BAZ2A: variants seen among roughly 807,000 people sequenced by gnomAD.
The protein encoded by BAZ2A is bromodomain adjacent to zinc finger domain protein 2A.
Under a neutral mutation model 199.9 loss-of-function variants are expected in BAZ2A, and 34 were observed. The ratio of observed to expected loss-of-function variants is 0.17; its 90% CI spans 0.13 to 0.23. The LOEUF (loss-of-function observed/expected upper bound fraction) is 0.23, where lower values mean the gene tolerates loss of function less well. Ranked by LOEUF, BAZ2A falls within the 10% of genes least tolerant of loss-of-function variation. The probability of loss-of-function intolerance (pLI) is 1.00; values close to 1 mark genes in which losing one functional copy is unlikely to be tolerated. For synonymous variants in BAZ2A, 857 were observed against 883.9 expected (o/e 0.97, Z 0.54); for missense variants, 2,002 against 2,391.1 (o/e 0.84, Z 3.39).
rs941291424 is a variant in BAZ2A, at chr12:56,613,155, C to T, written c.995G>A (p.Ser332Asn). The change falls in exon 5 of 29, where the codon AGC becomes AAC. Residue 332 changes from serine (S) to asparagine (N), a missense_variant. Around this residue, in one of 6 missense-constraint regions of BAZ2A, gnomAD observed 641 missense variants for 694.5 expected, o/e 0.92. Coordinates refer to ENST00000549884, the MANE Select transcript of BAZ2A (RefSeq NM_001300905.2). ...GAEDKLPLED[S>N]PVISALDCPS... ...GCAATCAAGGGCAGAAATCACAGGG[C>T]TGTCCTCAAGAGGCAGCTTGTCCTC... 4 of 1,613,890 alleles carry T rather than the reference C, an allele frequency of 2.5e-6. No homozygotes were observed. In the Admixed American group the frequency reaches 5.0e-5, roughly 20 times the overall value.
chr12:56,595,881 TC>T lies in BAZ2A; in HGVS notation c.*2736del, dbSNP rs1008326741. 2 of 124,234 alleles carry T rather than the reference TC, an allele frequency of 1.6e-5. No homozygotes were observed. Among genetic ancestry groups the T allele is most frequent in the African/African-American group, 3.0e-5 (1 of 33,388 alleles). 7.7% of individuals were successfully genotyped at this position (124,234 alleles called of 1,614,324 possible). On this transcript the variant is annotated 3_prime_UTR_variant, in exon 29 of 29. Transcript: ENST00000549884. The stretch of plus-strand genomic sequence containing the variant: ...CAGTCATACCTATCCCAACGCCGTC[TC>T]CCCCTCAGGTGTGTAGAAGGGAAGA...
At chr12:56,638,169 G>T, upstream of BAZ2A, 1 of 629,366 alleles carries the variant, frequency 1.6e-6, no homozygotes, top group Non-Finnish European at 2.7e-6. Context: ...AAGAGAATCA[G>T]ACAAATTCTG....
intron 1 of BAZ2A, among the ~76,000 whole-genome samples, chr12:56,629,413 A>G (rs1951217986): frequency 6.6e-6 from 1 of 152,098 alleles, no homozygotes; most frequent in Admixed American, 6.5e-5. Context: ...TCAGTGAGGA[A>G]TCTCCTTGGA....
At chr12:56,618,971 G>C (rs954145988) in intron 1 of BAZ2A, among the ~76,000 whole-genome samples, 1 of 152,100 alleles carries the variant, frequency 6.6e-6, no homozygotes, top group African/African-American at 2.4e-5. Context: ...CAAAGCAGGA[G>C]GACTATTTGA....
Position 56,600,000 on chromosome 12 carries a change from C to T in BAZ2A, c.4989G>A (p.Glu1663=). The T allele has an allele frequency of 6.2e-7, 1 of 1,614,054 alleles. No homozygotes were observed. The highest frequency in any genetic ancestry group is 8.5e-7 in the Non-Finnish European group (1 of 1,179,898). ...CAGACTTCTCCCAGGCAATGGACCT[C>T]TCCAGCTGGCCCAGGCACAAGCACA... ...AQVCLCLGQL[E]RSIAWEKSVN... Residue 1663 remains glutamate (E), a synonymous_variant, in exon 25 of 29, where the codon GAG becomes GAA. Transcript: ENST00000549884.
chr12:56,626,289 G>A (rs927769298), intron 1 of BAZ2A, among the ~76,000 whole-genome samples: 2 of 152,098 alleles, frequency 1.3e-5, no homozygotes, highest in Admixed American at 6.5e-5. Flanking sequence ...TTTTATACTT[G>A]GCATTATTGC....
chr12:56,607,081 C>G (rs1441968762), intron 10 of BAZ2A, among the ~76,000 whole-genome samples: 1 of 152,098 alleles, frequency 6.6e-6, no homozygotes, highest in African/African-American at 2.4e-5. Flanking sequence ...CTGACAAGAG[C>G]AGAAACCCAC....
chr12:56,636,396 A>G, upstream of BAZ2A: 1 of 562,254 alleles, frequency 1.8e-6, no homozygotes, highest in East Asian at 7.9e-5. Flanking sequence ...GGGAGGGAGG[A>G]GGGAAGGGCG....
Position 56,611,587 on chromosome 12 carries a change from A to T in BAZ2A, c.1656T>A (p.Leu552=), listed in dbSNP as rs765959522. The T allele has an allele frequency of 6.2e-7, 1 of 1,613,336 alleles. No homozygotes were observed. The highest frequency in any genetic ancestry group is 8.5e-7 in the Non-Finnish European group (1 of 1,179,624). Residue 552 remains leucine, a synonymous_variant, in exon 7 of 29, where the codon CTT becomes CTA. Coordinates refer to ENST00000549884, the MANE Select transcript of BAZ2A (RefSeq NM_001300905.2). The part of the protein sequence containing the change: ...RRIATPEEVR[L]PLQHGWRREV... ...AGAGCATTTACCCATGTTGGAGGGG[A>T]AGACGAACTTCTTCTGGGGTAGCAA...
intron 2 of BAZ2A, among the ~76,000 whole-genome samples, chr12:56,616,880 A>G (rs1360368487): frequency 1.3e-5 from 2 of 152,318 alleles, no homozygotes; most frequent in South Asian, 2.1e-4. Context: ...CAACACCTCC[A>G]TATGGAATTA....
Position 56,600,120 on chromosome 12 carries a change from T to C in BAZ2A, c.4893-24A>G. The stretch of plus-strand genomic sequence containing the variant: ...ATCTGGAGGGAGAAAGTGGTGATCT[T>C]TGGAGAAGGAGCGGATCCACTAAAG... On this transcript the variant is annotated intron_variant, in intron 24 of 28. Coordinates refer to ENST00000549884, the MANE Select transcript of BAZ2A (RefSeq NM_001300905.2). 4 of 1,613,464 alleles carry C rather than the reference T, an allele frequency of 2.5e-6. No individual in the cohort carries two copies. The highest frequency in any genetic ancestry group is 2.5e-6 in the Non-Finnish European group (3 of 1,179,440).
chr12:56,610,359 A>G, intron 8 of BAZ2A, 50 bp downstream of exon 8: 1 of 1,589,040 alleles, frequency 6.3e-7, no homozygotes, highest in Non-Finnish European at 8.6e-7. Flanking sequence ...GGCAGTGGAA[A>G]GGAGTCCACT....
intron 13 of BAZ2A, 111 bp downstream of exon 13, chr12:56,605,719 C>A: frequency 1.7e-6 from 2 of 1,208,070 alleles, no homozygotes; most frequent in Non-Finnish European, 2.3e-6. Flanking sequence ...TGGCACCCGG[C>A]CTTCCTTTAA....
chr12:56,630,690 T>C (rs905755081), upstream of BAZ2A: 3 of 847,788 alleles, frequency 3.5e-6, no homozygotes, highest in Admixed American at 1.9e-4. Flanking sequence ...GGTAGGGTAA[T>C]GGAAACGTGG....
At chr12:56,613,813 T>C (rs1950634218) in intron 4 of BAZ2A, 140 bp downstream of exon 4, 1 of 802,434 alleles carries the variant, frequency 1.2e-6, no homozygotes, top group Non-Finnish European at 1.9e-6. Flanking sequence ...CTGTGGCATG[T>C]AACTGTGGTC....
In BAZ2A at chr12:56,614,858, C is replaced by G. The variant is rs1032069549; in HGVS notation, c.730+156G>C. The stretch of plus-strand genomic sequence containing the variant: ...AGCTGGTGCTGCTGCCACAAAAACA[C>G]CAGCCACTTGGCTCTGCTAATTGCT... On this transcript the variant is annotated intron_variant, in intron 3 of 28. Coordinates refer to ENST00000549884, the MANE Select transcript of BAZ2A (RefSeq NM_001300905.2). The G allele has an allele frequency of 4.9e-5, 38 of 782,756 alleles. No individual in the cohort carries two copies. The African/African-American group carries it at 6.3e-4, about 13-fold the overall frequency. The allele number at this position is 782,756 out of a possible 1,614,324, so 48.5% of individuals were successfully genotyped here.
rs1374381422 is a variant in BAZ2A, at chr12:56,601,995, T to C, written c.3622A>G (p.Arg1208Gly). 1 of 1,556,100 alleles carries C rather than the reference T, an allele frequency of 6.4e-7. No homozygotes were observed. ...TGGGGCTGTTCTGAATCCTGACCCC[T>C]GACAGGGGACTTAAGATGCCTAGGT... is the stretch of plus-strand genomic sequence containing the variant. ...MQPRHLKSPV[R>G]GQDSEQPQAQ... Residue 1208 changes from arginine to glycine, a missense_variant, in exon 20 of 29, where the codon AGG becomes GGG. Physicochemically the swap from Arg to Gly is moderately radical, Grantham distance 125. Coordinates refer to ENST00000549884, the MANE Select transcript of BAZ2A (RefSeq NM_001300905.2).
intron 9 of BAZ2A, 45 bp downstream of exon 9, chr12:56,610,069 A>G (rs1322552754): frequency 1.9e-6 from 3 of 1,606,160 alleles, no homozygotes; most frequent in Admixed American, 3.3e-5. Flanking sequence ...TTGTCCACCA[A>G]CTCTTCCTCA....
chr12:56,610,084 C>T (rs1263918945), intron 9 of BAZ2A, 30 bp downstream of exon 9: 2 of 1,610,516 alleles, frequency 1.2e-6, no homozygotes, highest in East Asian at 2.2e-5. Context: ...TCCTCAGGGA[C>T]AAAAGCATAT....
Sources: gnomAD v4.1 joint callset for allele counts (sites outside exome capture counted in the v4.1 genomes callset) on GRCh38, gnomAD v4.1.1 for gene constraint, gnomAD v4.1.1 regional missense constraint, MANE v1.5 for transcripts, NCBI Gene and HGNC (gene_info 2026-07-23, HGNC 2026-07-21) for gene names.